Variants in PXDN observed in about 807,000 individuals in gnomAD.
PXDN encodes peroxidasin.
A neutral mutation model predicts 140.3 loss-of-function variants in PXDN; 77 were observed. That is an observed-to-expected ratio of 0.55 (90% CI 0.46 to 0.66). The LOEUF (loss-of-function observed/expected upper bound fraction) is 0.66, where lower values mean the gene tolerates loss of function less well. Among genes scored for constraint, PXDN ranks in the 30% least tolerant of loss-of-function variants. The pLI is 0.00. For synonymous variants in PXDN, 911 were observed against 857.4 expected (o/e 1.06, Z -1.09); for missense variants, 1,838 against 2,039.5 (o/e 0.90, Z 1.90).
intron 11 of PXDN, 153 bp downstream of exon 11, chr2:1,664,805 C>A: frequency 1.5e-6 from 1 of 662,798 alleles, no homozygotes; most frequent in Non-Finnish European, 2.5e-6. Flanking sequence ...TGTGCAGACA[C>A]CTCTGCGCTT....
rs753599871 is a variant in PXDN, at chr2:1,654,418, C to A, written c.1928G>T (p.Arg643Leu). The A allele has an allele frequency of 1.9e-6, 3 of 1,612,882 alleles. No homozygotes were observed. The highest frequency in any genetic ancestry group is 1.3e-5 in the African/African-American group (1 of 75,026). ...ACGATACCTGTCAAACAAATGTGTT[C>A]GGGTTGAGTTTATAGCTCTGTCAAC... ...ATVDRAINST[R>L]THLFDSRPRS... The change falls in exon 15 of 23, where the codon CGA becomes CTA. Residue 643 changes from arginine (R) to leucine (L), a missense_variant. Arg to Leu is a moderately radical substitution (Grantham distance 102). Around this residue, in one of 5 missense-constraint regions of PXDN, gnomAD observed 537 missense variants for 583.9 expected, o/e 0.92. Transcript: ENST00000252804.
At chr2:1,665,293 C>A (rs1427278027) in intron 10 of PXDN, among the ~76,000 whole-genome samples, 1 of 152,212 alleles carries the variant, frequency 6.6e-6, no homozygotes, top group African/African-American at 2.4e-5. Flanking sequence ...GGAAAGCACA[C>A]AAAGACCGTT....
At chr2:1,684,416 G>T (rs933788723) in intron 4 of PXDN, among the ~76,000 whole-genome samples, 4 of 152,192 alleles carry the variant, frequency 2.6e-5, no homozygotes, top group Admixed American at 1.3e-4. Context: ...TTGACACCGC[G>T]TGAGAAGGGC....
chr2:1,694,505 C>T lies in PXDN; in HGVS notation c.201-1371G>A, dbSNP rs144996399. Reference sequence around the variant, plus strand: ...GTTCTCCTGGAGGAGAAGGGGAAGGCGGCCCCCCTCTGCCCACCTGGCCCT... The same window carrying T: ...GTTCTCCTGGAGGAGAAGGGGAAGGTGGCCCCCCTCTGCCCACCTGGCCCT... On this transcript the variant is annotated intron_variant, in intron 1 of 22. Transcript: ENST00000252804. Among the ~76,000 whole-genome samples, 27 of 152,234 alleles carry T rather than the reference C, an allele frequency of 1.8e-4. 1 individual carries two copies. In the East Asian group the frequency reaches 4.9e-3, roughly 28 times the overall value.
Position 1,639,182 on chromosome 2 carries a change from G to A in PXDN, c.4073+120C>T, listed in dbSNP as rs1682652504. On this transcript the variant is annotated intron_variant, in intron 20 of 22. Coordinates refer to ENST00000252804, the MANE Select transcript of PXDN (RefSeq NM_012293.3). This position sits in a 1 kb window ranked among gnomAD's most constrained non-coding sequence, Gnocchi z 5.0. Reference sequence around the variant, plus strand: ...CTGCGGCCTGGCCCCCAGTGCCCTGGGACGTCCCTGCCAGGAACCATCCTC... The same window carrying A: ...CTGCGGCCTGGCCCCCAGTGCCCTGAGACGTCCCTGCCAGGAACCATCCTC... 1.3e-6 allele frequency: 2 copies of A among 1,501,264 alleles called. No homozygotes were observed. The highest frequency in any genetic ancestry group is 1.8e-6 in the Non-Finnish European group (2 of 1,115,782). The allele number at this position is 1,501,264 out of a possible 1,614,324, so 93.0% of individuals were successfully genotyped here. A position where few individuals can be genotyped will look rare whatever the true frequency, so the allele number is the denominator to read the frequency against.
chr2:1,658,262 T>A (rs1314633719), intron 14 of PXDN, among the ~76,000 whole-genome samples: 3 of 149,580 alleles, frequency 2.0e-5, no homozygotes, highest in African/African-American at 7.7e-5. Context: ...TACACCATCG[T>A]CCTGACCTCT....
At chr2:1,744,762 C>T (rs115940589), upstream of PXDN, 1,311 of 249,794 alleles carry the variant, frequency 5.2e-3, 17 homozygotes, top group African/African-American at 0.027. Context: ...ACTCGGGGCT[C>T]GGGACCCTGG....
chr2:1,741,608 G>A (rs528891700), intron 1 of PXDN, among the ~76,000 whole-genome samples: 1 of 152,140 alleles, frequency 6.6e-6, no homozygotes, highest in Non-Finnish European at 1.5e-5. Context: ...TGAGGGGAAG[G>A]AGCAATAAGA....
chr2:1,666,183 C>T lies in PXDN; in HGVS notation c.1291+31G>A, dbSNP rs772793401. ...TGGAGGGGTGAGGATGGGGCTGAGCCCTGGCTCTGGCACAGAGGATGGATA... is the reference window on the plus strand; with the variant it reads ...TGGAGGGGTGAGGATGGGGCTGAGCTCTGGCTCTGGCACAGAGGATGGATA... On this transcript the variant is annotated intron_variant, in intron 10 of 22. Transcript: ENST00000252804. 31 of 1,609,046 alleles carry T rather than the reference C, an allele frequency of 1.9e-5. No individual in the cohort carries two copies. The Admixed American group carries it at 5.0e-4, about 26-fold the overall frequency.
Position 1,666,383 on chromosome 2 carries a change from G to C in PXDN, c.1122C>G (p.Ser374=), listed in dbSNP as rs1335365216. 1.9e-6 allele frequency: 3 copies of C among 1,613,734 alleles called. No individual in the cohort carries two copies. The East Asian group carries it at 6.7e-5, about 36-fold the overall frequency. ...SATGHPPPRI[S]WTRGDRTPLP... ...AGGGTGTGCGGTCACCTCTCGTCCAGGAGATCCGCGGCGGGGGGTGGCCTG... is the reference window on the plus strand; with the variant it reads ...AGGGTGTGCGGTCACCTCTCGTCCACGAGATCCGCGGCGGGGGGTGGCCTG... Residue 374 remains serine, a synonymous_variant, in exon 10 of 23, where the codon TCC becomes TCG. Transcript: ENST00000252804.
chr2:1,738,367 G>C (rs745799654), intron 1 of PXDN, among the ~76,000 whole-genome samples: 6 of 152,108 alleles, frequency 3.9e-5, no homozygotes, highest in African/African-American at 1.4e-4. Context: ...GAGATCACTC[G>C]ATTCCCAGCC....
At chr2:1,744,073 C>A (rs1438164523) in intron 1 of PXDN, among the ~76,000 whole-genome samples, 183 bp downstream of exon 1, 7 of 152,008 alleles carry the variant, frequency 4.6e-5, no homozygotes, top group African/African-American at 1.7e-4. Flanking sequence ...CCAGCGGGTC[C>A]CCGCGCCCAG....
intron 1 of PXDN, among the ~76,000 whole-genome samples, chr2:1,703,181 G>A (rs1684484261): frequency 2.0e-5 from 1 of 49,290 alleles, no homozygotes; most frequent in Non-Finnish European, 3.7e-5. Context: ...AGGTGAAGCG[G>A]GGGACAACTC....
intron 6 of PXDN, among the ~76,000 whole-genome samples, chr2:1,682,427 A>C (rs529255011): frequency 2.0e-5 from 3 of 152,352 alleles, no homozygotes; most frequent in Admixed American, 2.0e-4. Flanking sequence ...AACAAATCAC[A>C]TAAGACCACT....
In PXDN at chr2:1,661,616, G is replaced by A. The variant is rs1162567114; in HGVS notation, c.1680+456C>T. Among the ~76,000 whole-genome samples, 4 of 152,138 alleles carry A rather than the reference G, an allele frequency of 2.6e-5. No individual in the cohort carries two copies. In the East Asian group the frequency reaches 7.7e-4, roughly 29 times the overall value. ...CCAGTGTGGCCAGCCCTGTGCTCCC[G>A]GGAGGGAATTCACAGAAACACGGGT... On this transcript the variant is annotated intron_variant, in intron 13 of 22. Coordinates refer to ENST00000252804, the MANE Select transcript of PXDN (RefSeq NM_012293.3).
chr2:1,662,706 G>T (rs993135908), intron 12 of PXDN, among the ~76,000 whole-genome samples: 1 of 152,164 alleles, frequency 6.6e-6, no homozygotes, highest in East Asian at 1.9e-4. Context: ...GGCACCCAGC[G>T]TTCTGCTAGG....
At position 1,639,689 on chromosome 2, in the gene PXDN, A is replaced by G. The variant is rs1682669188; in HGVS notation, c.3953-267T>C. On this transcript the variant is annotated intron_variant, in intron 19 of 22. Coordinates refer to ENST00000252804, the MANE Select transcript of PXDN (RefSeq NM_012293.3). The surrounding 1 kb of genome is among the most constrained non-coding windows in gnomAD (Gnocchi z 5.0). ...GCTGGGCACACTGAGGAGGCTCACC[A>G]CGCCATCTAACCACACCCTCGCGGA... 6.6e-6 allele frequency among the ~76,000 whole-genome samples: 1 copy of G among 152,072 alleles called. No individual in the cohort carries two copies. The highest frequency in any genetic ancestry group is 1.5e-5 in the Non-Finnish European group (1 of 67,992).
intron 1 of PXDN, among the ~76,000 whole-genome samples, chr2:1,730,949 G>A (rs1020374957): frequency 1.3e-5 from 2 of 152,188 alleles, no homozygotes; most frequent in African/African-American, 4.8e-5. Context: ...GTGAGAAGAG[G>A]AGGGAGAGAG....
chr2:1,641,735 C>A (rs190490153), intron 19 of PXDN, among the ~76,000 whole-genome samples: 1 of 152,164 alleles, frequency 6.6e-6, no homozygotes, highest in Non-Finnish European at 1.5e-5. Context: ...TTGTAACATG[C>A]GGGGAACAAA....
Sources: gnomAD v4.1 joint callset for allele counts (sites outside exome capture counted in the v4.1 genomes callset) on GRCh38, gnomAD v4.1.1 for gene constraint, gnomAD v4.1.1 regional missense constraint, Gnocchi (gnomAD v3.1) non-coding constraint, MANE v1.5 for transcripts, NCBI Gene and HGNC (gene_info 2026-07-23, HGNC 2026-07-21) for gene names.